Variants in NCAM2 observed in about 807,000 individuals in gnomAD.
The protein encoded by NCAM2 is N-CAM-2.
NCAM2 carries 30 observed loss-of-function variants against 98.1 expected under a neutral mutation model. That is an observed-to-expected ratio of 0.31 (90% CI 0.23 to 0.41). NCAM2 has a LOEUF of 0.41. Ranked by LOEUF, NCAM2 falls within the 10% of genes least tolerant of loss-of-function variation. The probability of loss-of-function intolerance (pLI) is 1.00; values close to 1 mark genes in which losing one functional copy is unlikely to be tolerated. For missense variants in NCAM2, 867 were observed against 1,005.8 expected, an observed-to-expected ratio of 0.86 and a Z score of 1.87; for synonymous variants, 368 against 342.4, an observed-to-expected ratio of 1.07 and a Z score of -0.83.
intron 17 of NCAM2, among the ~76,000 whole-genome samples, chr21:21,535,090 G>T (rs924826094): frequency 8.5e-5 from 13 of 152,072 alleles, no homozygotes; most frequent in African/African-American, 3.1e-4. Flanking sequence ...AGAAATATTT[G>T]TGCAGAGGAG....
At chr21:21,312,858 A>G (rs1448805997) in intron 5 of NCAM2, among the ~76,000 whole-genome samples, 2 of 151,902 alleles carry the variant, frequency 1.3e-5, no homozygotes, top group Middle Eastern at 3.4e-3. Context: ...ATTTCCTTTC[A>G]GGAGACTTTT....
At chr21:21,377,400 A>C (rs2076057085) in intron 9 of NCAM2, among the ~76,000 whole-genome samples, 1 of 151,888 alleles carries the variant, frequency 6.6e-6, no homozygotes, top group Non-Finnish European at 1.5e-5. Flanking sequence ...TTACATTTAC[A>C]TGTAAGAATG....
chr21:21,241,323 T>C (rs2071057370), intron 1 of NCAM2, among the ~76,000 whole-genome samples: 1 of 45,858 alleles, frequency 2.2e-5, no homozygotes, highest in Non-Finnish European at 4.0e-5. Flanking sequence ...AAAATCCTTG[T>C]CTAAATTATT....
intron 16 of NCAM2, among the ~76,000 whole-genome samples, chr21:21,531,475 GC>G (rs201169373): frequency 6.9e-3 from 1 of 144 alleles, no homozygotes; most frequent in Non-Finnish European, 0.013. Flanking sequence ...TATTAACTAA[GC>G]AATTCCGAAG....
intron 17 of NCAM2, among the ~76,000 whole-genome samples, chr21:21,537,592 T>G (rs1214092910): frequency 1.3e-5 from 2 of 151,834 alleles, no homozygotes; most frequent in Non-Finnish European, 2.9e-5. Flanking sequence ...GCATTACATT[T>G]TTAAAAGGCC....
chr21:21,005,458 G>A (rs1269858094), intron 1 of NCAM2, among the ~76,000 whole-genome samples: 1 of 151,994 alleles, frequency 6.6e-6, no homozygotes, highest in Non-Finnish European at 1.5e-5. Flanking sequence ...TTTTTAACTT[G>A]TTATTTTTAA....
Position 21,541,846 on chromosome 21 carries a change from T to A in NCAM2, c.*3889T>A, listed in dbSNP as rs573571590. 13 of 151,940 alleles carry A rather than the reference T, an allele frequency of 8.6e-5. No homozygotes were observed. Among genetic ancestry groups the A allele is most frequent in the African/African-American group, 2.9e-4 (12 of 41,542 alleles). The allele number at this position is 151,940 out of a possible 1,614,324, so 9.4% of individuals were successfully genotyped here. A position where few individuals can be genotyped will look rare whatever the true frequency, so the allele number is the denominator to read the frequency against. ...AGTTTTTTCATGCTCATACTCATAATCATTATCACATAATGTGCTTATTCA... is the reference window on the plus strand; with the variant it reads ...AGTTTTTTCATGCTCATACTCATAAACATTATCACATAATGTGCTTATTCA... On this transcript the variant is annotated 3_prime_UTR_variant, in exon 18 of 18. Coordinates refer to ENST00000400546, the MANE Select transcript of NCAM2 (RefSeq NM_004540.5).
chr21:21,441,368 T>G (rs886158809), intron 12 of NCAM2, among the ~76,000 whole-genome samples: 1 of 152,244 alleles, frequency 6.6e-6, no homozygotes, highest in Non-Finnish European at 1.5e-5. Flanking sequence ...AAATGATGAT[T>G]ATCTTCATTT....
At chr21:21,263,933 C>G (rs760201054) in intron 1 of NCAM2, among the ~76,000 whole-genome samples, 1 of 151,928 alleles carries the variant, frequency 6.6e-6, no homozygotes, top group Non-Finnish European at 1.5e-5. Flanking sequence ...GGACATTAGC[C>G]TAGGCAAAGA....
chr21:21,306,076 C>T (rs1283186215), intron 5 of NCAM2, among the ~76,000 whole-genome samples: 2 of 152,074 alleles, frequency 1.3e-5, no homozygotes, highest in Non-Finnish European at 1.5e-5. Context: ...TCATGAATTT[C>T]TAATTTGATT....
intron 1 of NCAM2, among the ~76,000 whole-genome samples, chr21:21,125,608 TATATA>T (rs921660487): frequency 5.2e-5 from 7 of 133,558 alleles, no homozygotes; most frequent in African/African-American, 1.9e-4. Flanking sequence ...AATATATAAA[TATATA>T]ATATGTTATA....
At chr21:21,337,920 T>G (rs188768612) in intron 7 of NCAM2, among the ~76,000 whole-genome samples, 2 of 152,218 alleles carry the variant, frequency 1.3e-5, no homozygotes, top group East Asian at 3.9e-4. Context: ...TTGGTGAAAT[T>G]GTTAAAGCTT....
At chr21:21,257,307 T>C (rs1166561157) in intron 1 of NCAM2, among the ~76,000 whole-genome samples, 1 of 152,176 alleles carries the variant, frequency 6.6e-6, no homozygotes, top group Non-Finnish European at 1.5e-5. Flanking sequence ...AGCACTCCTT[T>C]CCATCAGTTA....
chr21:21,078,100 C>T (rs1395216358), intron 1 of NCAM2, among the ~76,000 whole-genome samples: 2 of 152,042 alleles, frequency 1.3e-5, no homozygotes, highest in Non-Finnish European at 2.9e-5. Flanking sequence ...GTAAAAGATA[C>T]TGTCTCACTT....
At chr21:21,197,336 G>C (rs1009391601) in intron 1 of NCAM2, among the ~76,000 whole-genome samples, 1 of 151,966 alleles carries the variant, frequency 6.6e-6, no homozygotes, top group African/African-American at 2.4e-5. Context: ...CACCATGTTG[G>C]CCAGGCTGGT....
chr21:21,530,071 T>G, intron 16 of NCAM2, among the ~76,000 whole-genome samples: 1 of 145,002 alleles, frequency 6.9e-6, no homozygotes. Context: ...ATACTTTAAA[T>G]AAAATTATAT....
At chr21:21,260,636 C>A (rs1268378069) in intron 1 of NCAM2, among the ~76,000 whole-genome samples, 7 of 151,744 alleles carry the variant, frequency 4.6e-5, no homozygotes, top group Non-Finnish European at 8.8e-5. Context: ...AAAATAAAGT[C>A]TTTCCCAGAC....
At chr21:21,099,701 A>C (rs2066199762) in intron 1 of NCAM2, among the ~76,000 whole-genome samples, 1 of 151,916 alleles carries the variant, frequency 6.6e-6, no homozygotes, top group Admixed American at 6.6e-5. Context: ...TCAGGCTTTA[A>C]GAAAATGGTG....
At chr21:21,069,613 G>A (rs1341830230) in intron 1 of NCAM2, among the ~76,000 whole-genome samples, 1 of 152,110 alleles carries the variant, frequency 6.6e-6, no homozygotes, top group Non-Finnish European at 1.5e-5. Flanking sequence ...AAGATGTTTT[G>A]AGGAATTCCA....
Sources: gnomAD v4.1 joint callset for allele counts (sites outside exome capture counted in the v4.1 genomes callset) on GRCh38, gnomAD v4.1.1 for gene constraint, MANE v1.5 for transcripts, NCBI Gene and HGNC (gene_info 2026-07-23, HGNC 2026-07-21) for gene names.